The following MTA3 variants were observed in gnomAD, a reference collection of about 807,000 sequenced individuals.
MTA3 encodes metastasis associated 1 family member 3.
In MTA3, 34 loss-of-function variants were observed where a neutral mutation model predicts 83.5. That is an observed-to-expected ratio of 0.41 (90% CI 0.31 to 0.54). The LOEUF (loss-of-function observed/expected upper bound fraction) is 0.54. Ranked by LOEUF, MTA3 falls within the 20% of genes least tolerant of loss-of-function variation. The pLI is 0.33. For synonymous variants in MTA3, 303 were observed against 252.7 expected (o/e 1.20, Z -1.89); for missense variants, 761 against 726.4 (o/e 1.05, Z -0.55).
chr2:42,606,833 C>A (rs1261008333), intron 3 of MTA3, among the ~76,000 whole-genome samples: 1 of 149,500 alleles, frequency 6.7e-6, no homozygotes, highest in Non-Finnish European at 1.5e-5. Context: ...ATCCCGGCAC[C>A]TCGGGAGGCC....
At chr2:42,548,903 G>T (rs773989392) in intron 2 of MTA3, among the ~76,000 whole-genome samples, 2 of 86,546 alleles carry the variant, frequency 2.3e-5, no homozygotes, top group African/African-American at 4.8e-5. Flanking sequence ...CAGCGGGCAC[G>T]GTGGCTCACG....
At chr2:42,744,879 C>G (rs750696154) in intron 16 of MTA3, among the ~76,000 whole-genome samples, 15 of 152,184 alleles carry the variant, frequency 9.9e-5, no homozygotes, top group Admixed American at 2.6e-4. Context: ...GCAATCTGTT[C>G]ACGTCCTCAT....
At chr2:42,653,099 A>G (rs1029605183) in intron 6 of MTA3, among the ~76,000 whole-genome samples, 3 of 152,222 alleles carry the variant, frequency 2.0e-5, no homozygotes, top group Non-Finnish European at 4.4e-5. Flanking sequence ...GGTTAGGGCT[A>G]ACATTTAAAA....
intron 4 of MTA3, among the ~76,000 whole-genome samples, chr2:42,622,493 A>G (rs1311591038): frequency 6.6e-6 from 1 of 152,224 alleles, no homozygotes; most frequent in Non-Finnish European, 1.5e-5. Context: ...TTCATAACAA[A>G]TACTTGCTAA....
intron 6 of MTA3, among the ~76,000 whole-genome samples, chr2:42,648,320 A>T (rs547235632): frequency 1.3e-5 from 2 of 152,304 alleles, no homozygotes; most frequent in Admixed American, 1.3e-4. Context: ...TCAAGAACAG[A>T]TGTTTAGGAT....
chr2:42,498,365 T>C (rs1674240420), intron 2 of MTA3, among the ~76,000 whole-genome samples: 1 of 152,166 alleles, frequency 6.6e-6, no homozygotes, highest in African/African-American at 2.4e-5. Flanking sequence ...GATGGCTGAA[T>C]GGTAGAAAGG....
At chr2:42,579,381 A>G (rs939018908) in intron 3 of MTA3, among the ~76,000 whole-genome samples, 181 bp downstream of exon 3, 1 of 149,392 alleles carries the variant, frequency 6.7e-6, no homozygotes, top group Non-Finnish European at 1.5e-5. Flanking sequence ...GTTTCAGTGT[A>G]TATGTGTATA....
intron 1 of MTA3, 70 bp from the exon 2 acceptor site, chr2:42,570,367 A>T (rs1678329521): frequency 1.0e-6 from 1 of 978,434 alleles, no homozygotes; most frequent in Non-Finnish European, 1.5e-6. Flanking sequence ...GCCTAACATA[A>T]AAAGTCTTGG....
At chr2:42,682,111 G>A (rs1207169371) in intron 8 of MTA3, among the ~76,000 whole-genome samples, 1 of 152,012 alleles carries the variant, frequency 6.6e-6, no homozygotes, top group Non-Finnish European at 1.5e-5. Flanking sequence ...AGGAGGCTGA[G>A]GCAGGAGGAT....
chr2:42,625,180 C>T (rs745675522), intron 4 of MTA3, among the ~76,000 whole-genome samples: 9 of 151,674 alleles, frequency 5.9e-5, no homozygotes, highest in Non-Finnish European at 1.3e-4. Context: ...TACAGGCGCC[C>T]GCCACCATGC....
intron 10 of MTA3, among the ~76,000 whole-genome samples, chr2:42,697,071 T>C (rs1208417847): frequency 1.3e-5 from 2 of 152,224 alleles, no homozygotes; most frequent in African/African-American, 4.8e-5. Flanking sequence ...AAATAGAAGA[T>C]AGCCTTATAT....
At chr2:42,499,387 A>G (rs1377600206) in intron 2 of MTA3, among the ~76,000 whole-genome samples, 1 of 148,214 alleles carries the variant, frequency 6.7e-6, no homozygotes, top group Non-Finnish European at 1.5e-5. Context: ...GCTGGTCTTG[A>G]ACTCCCAACC....
In MTA3 at chr2:42,502,797, CA is replaced by C. The variant is rs3039405; in HGVS notation, c.-141+7559del. Among the ~76,000 whole-genome samples, 161 of 85,310 alleles carry C rather than the reference CA, an allele frequency of 1.9e-3. 2 individuals are homozygous for C. The highest frequency in any genetic ancestry group is 3.3e-3 in the East Asian group (10 of 3,024). 56.0% of individuals were successfully genotyped at this position (85,310 alleles called of 152,430 possible). ...GGGCAACAAGAACAAAACTCTGTCT[CA>C]AAAAAAAAAAAAAAATTAGCCGGGC... On this transcript the variant is annotated intron_variant, in intron 2 of 17. Transcript: ENST00000405592.
At chr2:42,592,831 C>G (rs1163394290) in intron 3 of MTA3, among the ~76,000 whole-genome samples, 2 of 151,960 alleles carry the variant, frequency 1.3e-5, no homozygotes, top group East Asian at 3.9e-4. Flanking sequence ...ACCTTTTTTC[C>G]TTAATGAGTA....
intron 14 of MTA3, among the ~76,000 whole-genome samples, chr2:42,710,878 A>C (rs1417355857): frequency 1.3e-5 from 2 of 152,118 alleles, no homozygotes; most frequent in Non-Finnish European, 2.9e-5. Context: ...CAGGAGTTAG[A>C]GACTAGCCTG....
intron 16 of MTA3, among the ~76,000 whole-genome samples, chr2:42,731,339 C>T (rs1381846279): frequency 1.3e-5 from 2 of 152,058 alleles, no homozygotes; most frequent in East Asian, 3.9e-4. Context: ...TTGTATTAGT[C>T]TGTTTTCACA....
chr2:42,687,567 A>G (rs964324000), intron 9 of MTA3, among the ~76,000 whole-genome samples: 4 of 152,234 alleles, frequency 2.6e-5, no homozygotes, highest in South Asian at 4.1e-4. Context: ...CTCTTGGGAA[A>G]TATGAGCCGT....
chr2:42,709,150 C>T, intron 14 of MTA3, 54 bp downstream of exon 14: 1 of 1,511,368 alleles, frequency 6.6e-7, no homozygotes, highest in Non-Finnish European at 8.8e-7. Context: ...ACCATTTTCT[C>T]TTTTCCTCTC....
At chr2:42,729,086 G>GTTTTTTGGT (rs1430675726) in intron 16 of MTA3, among the ~76,000 whole-genome samples, 1 of 60,142 alleles carries the variant, frequency 1.7e-5, no homozygotes, top group African/African-American at 6.2e-5. Context: ...CACAGTTTGA[G>GTTTTTTGGT]TTTTTTTTTT....
Sources: gnomAD v4.1 joint callset for allele counts (sites outside exome capture counted in the v4.1 genomes callset) on GRCh38, gnomAD v4.1.1 for gene constraint, MANE v1.5 for transcripts, NCBI Gene and HGNC (gene_info 2026-07-23, HGNC 2026-07-21) for gene names.